CA11: variants seen among roughly 807,000 people sequenced by gnomAD.
CA11 encodes the protein carbonic anhydrase-related protein 11.
CA11 carries 20 observed loss-of-function variants against 39.3 expected under a neutral mutation model. That is an observed-to-expected ratio of 0.51 (90% CI 0.36 to 0.74). CA11 has a LOEUF of 0.74. Ranked by LOEUF, CA11 falls within the 30% of genes least tolerant of loss-of-function variation. The probability of loss-of-function intolerance (pLI) is 0.00; values close to 1 mark genes in which losing one functional copy is unlikely to be tolerated. For synonymous variants in CA11, 166 were observed against 172.5 expected (o/e 0.96, Z 0.29); for missense variants, 336 against 424.6 (o/e 0.79, Z 1.83).
At chr19:48,639,753 A>G (rs768745014) in intron 5 of CA11, 35 bp downstream of exon 5, 5 of 1,605,480 alleles carry the variant, frequency 3.1e-6, no homozygotes, top group Non-Finnish European at 2.6e-6. Flanking sequence ...CAGGCACCCA[A>G]CTGCTCCCTC....
intron 8 of CA11, 174 bp from the exon 9 acceptor site, chr19:48,638,318 G>T: frequency 9.3e-7 from 1 of 1,077,190 alleles, no homozygotes; most frequent in Non-Finnish European, 1.1e-6. Flanking sequence ...GCCAATAGGA[G>T]GGGGGAATCG....
chr19:48,638,745 AAG>A (rs1207088220), intron 8 of CA11, 141 bp downstream of exon 8: 14 of 903,516 alleles, frequency 1.5e-5, no homozygotes, highest in Admixed American at 6.3e-5. Context: ...CATGTAGGGA[AAG>A]AGAGAAAAAG....
intron 5 of CA11, 31 bp downstream of exon 5, chr19:48,639,757 C>G: frequency 1.2e-6 from 2 of 1,606,800 alleles, no homozygotes; most frequent in Non-Finnish European, 1.7e-6. Flanking sequence ...CACCCAACTG[C>G]TCCCTCCCTC....
rs1022322471 is a variant in CA11, at chr19:48,639,108, C to T, written c.796-55G>A. 5.6e-6 allele frequency: 9 copies of T among 1,602,800 alleles called. No homozygotes were observed. The Admixed American group carries it at 6.8e-5, about 12-fold the overall frequency. On this transcript the variant is annotated intron_variant, in intron 7 of 8. Coordinates refer to ENST00000084798, the MANE Select transcript of CA11 (RefSeq NM_001217.5). ...AGTGAATAGTGAATGGTCTTGGTGACGTCACGCAGGAAACCCCGCCCCTGG... is the reference window on the plus strand; with the variant it reads ...AGTGAATAGTGAATGGTCTTGGTGATGTCACGCAGGAAACCCCGCCCCTGG...
At chr19:48,642,074 G>A (rs1369223229) in intron 3 of CA11, among the ~76,000 whole-genome samples, 1 of 152,142 alleles carries the variant, frequency 6.6e-6, no homozygotes, top group African/African-American at 2.4e-5. Context: ...AGGCCCTGAG[G>A]TGGCCTGTTT....
chr19:48,640,903 G>C (rs1255541858), intron 3 of CA11, among the ~76,000 whole-genome samples: 1 of 146,430 alleles, frequency 6.8e-6, no homozygotes, highest in African/African-American at 2.6e-5. Context: ...CTGGATCTCC[G>C]GACCTCGTGA....
At chr19:48,642,403 G>T (rs1280792564) in intron 3 of CA11, among the ~76,000 whole-genome samples, 5 of 152,154 alleles carry the variant, frequency 3.3e-5, no homozygotes, top group African/African-American at 1.2e-4. Flanking sequence ...GGAGGCTGAG[G>T]CAGGAGAATC....
chr19:48,639,089 T>C, intron 7 of CA11, 36 bp from the exon 8 acceptor site: 6 of 1,611,410 alleles, frequency 3.7e-6, no homozygotes, highest in Admixed American at 1.7e-5. Flanking sequence ...TGGGAGTGAA[T>C]AGTGAATGGT....
rs2031217601 is a variant in CA11 at position 48,645,407 on chromosome 19, C to G, written c.138G>C (p.Val46=). 1 of 1,584,854 alleles carries G rather than the reference C, an allele frequency of 6.3e-7. No homozygotes were observed. The highest frequency in any genetic ancestry group is 1.1e-5 in the South Asian group (1 of 87,276). The part of the protein sequence containing the change: ...SYKDNLQGNF[V]PGPPFWGLVN... ...GGGTCCCCGCCTTGGCGGCACCTGG[C>G]ACGAAGTTTCCCTGGAGATTATCCT... Residue 46 remains valine, a synonymous_variant, in exon 2 of 9, where the codon GTG becomes GTC. Transcript: ENST00000084798.
Position 48,645,720 on chromosome 19 carries a change from C to A in CA11, c.-88G>T. 9.1e-7 allele frequency: 1 copy of A among 1,095,738 alleles called. No homozygotes were observed. Among genetic ancestry groups the A allele is most frequent in the Non-Finnish European group, 1.2e-6 (1 of 800,618 alleles). The allele number at this position is 1,095,738 out of a possible 1,614,324, so 67.9% of individuals were successfully genotyped here. A position where few individuals can be genotyped will look rare whatever the true frequency, so the allele number is the denominator to read the frequency against. On this transcript the variant is annotated 5_prime_UTR_variant, in exon 1 of 9. Transcript: ENST00000084798. ...CCCCTCCTTCTGGGACCCTGTCCCT[C>A]CAGGACTTCCAGCTTTCCTCTCCTC... is the stretch of plus-strand genomic sequence containing the variant.
chr19:48,637,979 T>C lies in CA11; in HGVS notation c.*140A>G. On this transcript the variant is annotated 3_prime_UTR_variant, in exon 9 of 9. Transcript: ENST00000084798. Reference sequence around the variant, plus strand: ...AGAAGTCTGTTCTTTAATACCCAAATGTTTCCCCACCGCGCCTAGAATCAG... The same window carrying C: ...AGAAGTCTGTTCTTTAATACCCAAACGTTTCCCCACCGCGCCTAGAATCAG... 1 of 514,374 alleles carries C rather than the reference T, an allele frequency of 1.9e-6. No individual in the cohort carries two copies. The highest frequency in any genetic ancestry group is 3.3e-6 in the Non-Finnish European group (1 of 300,386). 31.9% of individuals were successfully genotyped at this position (514,374 alleles called of 1,614,324 possible).
At chr19:48,639,750 C>A in intron 5 of CA11, 38 bp downstream of exon 5, 1 of 1,603,368 alleles carries the variant, frequency 6.2e-7, no homozygotes, top group South Asian at 1.1e-5. Flanking sequence ...TTCCAGGCAC[C>A]CAACTGCTCC....
intron 2 of CA11, among the ~76,000 whole-genome samples, chr19:48,645,126 G>C (rs964043443): frequency 5.9e-5 from 9 of 152,166 alleles, no homozygotes; most frequent in African/African-American, 2.2e-4. Context: ...CTGGTTCCTA[G>C]CAGGAGCCAG....
intron 3 of CA11, among the ~76,000 whole-genome samples, chr19:48,642,582 T>C (rs1427888441): frequency 6.6e-6 from 1 of 151,654 alleles, no homozygotes; most frequent in Non-Finnish European, 1.5e-5. Flanking sequence ...AAGTGCTATG[T>C]AAATGTTTGC....
At position 48,639,790 on chromosome 19, in the gene CA11, T is replaced by G; in HGVS notation, c.565A>C (p.Asn189His). 1 of 1,613,768 alleles carries G rather than the reference T, an allele frequency of 6.2e-7. No homozygotes were observed. Among genetic ancestry groups the G allele is most frequent in the Non-Finnish European group, 8.5e-7 (1 of 1,179,790 alleles). ...NGLAILSLFVNVASTSNPFLS... is the reference protein window; with the variant it reads ...NGLAILSLFVHVASTSNPFLS... The stretch of plus-strand genomic sequence containing the variant: ...CTCTGAATCTCGCCTCCGCTCACGT[T>G]GACAAAGAGGCTGAGAATGGCCAGG... Residue 189 changes from asparagine to histidine, a missense_variant and splice_region_variant, in exon 5 of 9, where the codon AAC (asparagine) becomes CAC (histidine). Asn to His is a moderately conservative substitution (Grantham distance 68, BLOSUM62 1). Coordinates refer to ENST00000084798, the MANE Select transcript of CA11 (RefSeq NM_001217.5).
At position 48,639,470 on chromosome 19, in the gene CA11, A is replaced by C. The variant is rs368624160; in HGVS notation, c.641-11T>G. 7 of 1,613,970 alleles carry C rather than the reference A, an allele frequency of 4.3e-6. No homozygotes were observed. In the Admixed American group the frequency reaches 1.2e-4, roughly 27 times the overall value. On this transcript the variant is annotated splice_polypyrimidine_tract_variant and intron_variant, in intron 6 of 8. Coordinates refer to ENST00000084798, the MANE Select transcript of CA11 (RefSeq NM_001217.5). ...GAAAGTAGGCATCATCTGCGGGAAT[A>C]TCAGGCCAGAGTAAAGAGGGATGGC...
rs777143994 is a variant in CA11 at position 48,645,542 on chromosome 19, C to T, written c.67+24G>A. The T allele has an allele frequency of 8.1e-6, 13 of 1,599,258 alleles. No homozygotes were observed. The African/African-American group carries it at 1.1e-4, about 13-fold the overall frequency. On this transcript the variant is annotated intron_variant, in intron 1 of 8. Coordinates refer to ENST00000084798, the MANE Select transcript of CA11 (RefSeq NM_001217.5). ...CCACCTCCACCCTCCCTCGGGGGCT[C>T]CTCCCGGGAACCCCAGGTCTTACCT...
Position 48,643,430 on chromosome 19 carries a change from G to A in CA11, c.285+997C>T. Among the ~76,000 whole-genome samples the A allele has an allele frequency of 6.9e-6, 1 of 144,274 alleles. No homozygotes were observed. The allele number at this position is 144,274 out of a possible 152,430, so 94.6% of individuals were successfully genotyped here. The stretch of plus-strand genomic sequence containing the variant: ...TCACCATGTTGGCCAGGCTGATCTC[G>A]AACTCCTAACCTCGTGATCCACCCA... On this transcript the variant is annotated intron_variant, in intron 3 of 8. Coordinates refer to ENST00000084798, the MANE Select transcript of CA11 (RefSeq NM_001217.5). The surrounding 1 kb of genome is among the most constrained non-coding windows in gnomAD (Gnocchi z 4.3).
Position 48,640,029 on chromosome 19 carries a change from GTGAGGTGGGAGGAAT to G in CA11, c.471+51_471+65del. 3 of 1,549,308 alleles carry G rather than the reference GTGAGGTGGGAGGAAT, an allele frequency of 1.9e-6. No individual in the cohort carries two copies. The East Asian group carries it at 6.8e-5, about 35-fold the overall frequency. On this transcript the variant is annotated intron_variant, in intron 4 of 8. Transcript: ENST00000084798. ...GAGGATGGGGTGAGACACTAAGAGG[GTGAGGTGGGAGGAAT>G]TGGGGTGACTCAGGGCGGAGGGTGG...
Sources: allele counts gnomAD v4.1 joint callset (sites outside exome capture counted in the v4.1 genomes callset), GRCh38; gene constraint gnomAD v4.1.1; non-coding constraint Gnocchi (gnomAD v3.1); transcripts MANE v1.5; gene names NCBI Gene and HGNC (gene_info 2026-07-23, HGNC 2026-07-21).